Variants in MAPKAP1 observed in about 807,000 individuals in gnomAD.
MAPKAP1 encodes the protein MAPK associated protein 1.
In MAPKAP1, 20 loss-of-function variants were observed where a neutral mutation model predicts 65.7. The ratio of observed to expected loss-of-function variants is 0.30; its 90% CI spans 0.21 to 0.44. The LOEUF is 0.44. Among genes scored for constraint, MAPKAP1 ranks in the 20% least tolerant of loss-of-function variants. MAPKAP1 has a pLI of 1.00. For missense variants in MAPKAP1, 423 were observed against 648.0 expected (o/e 0.65, Z 3.77); for synonymous variants, 222 against 244.3 (o/e 0.91, Z 0.85).
In MAPKAP1 at chr9:125,531,042, C is replaced by T. The variant is rs116051707; in HGVS notation, c.958+12017G>A. ...CAGAAGGGGCTGATGACTTCCCTAACTTCACAGCTTGTAAAAGGGACAGGT... is the reference window on the plus strand; with the variant it reads ...CAGAAGGGGCTGATGACTTCCCTAATTTCACAGCTTGTAAAAGGGACAGGT... On this transcript the variant is annotated intron_variant, in intron 7 of 11. Transcript: ENST00000265960. Among the ~76,000 whole-genome samples, 1,128 of 152,344 alleles carry T rather than the reference C, an allele frequency of 7.4e-3. 19 individuals carry two copies. The highest frequency in any genetic ancestry group is 0.025 in the African/African-American group (1,051 of 41,580).
Position 125,460,993 on chromosome 9 carries a change from T to C in MAPKAP1, c.1345+6979A>G, listed in dbSNP as rs114588813. Among the ~76,000 whole-genome samples, 911 of 152,342 alleles carry C rather than the reference T, an allele frequency of 6.0e-3. 10 individuals are homozygous for C. Among genetic ancestry groups the C allele is most frequent in the African/African-American group, 0.02 (847 of 41,592 alleles). ...AAAGCACAAGTCAGATGTCAGCTCA[T>C]GATGACCAGGTCAGTCAATGGGACA... On this transcript the variant is annotated intron_variant, in intron 10 of 11. Transcript: ENST00000265960.
At chr9:125,627,789 G>A (rs957091802) in intron 4 of MAPKAP1, among the ~76,000 whole-genome samples, 2 of 152,000 alleles carry the variant, frequency 1.3e-5, no homozygotes, top group African/African-American at 4.8e-5. Flanking sequence ...TGGGATATGT[G>A]GGAACGAAGC....
At chr9:125,567,516 T>C (rs1831096033) in intron 5 of MAPKAP1, 2 of 152,240 alleles carry the variant, frequency 1.3e-5, no homozygotes, top group Non-Finnish European at 2.9e-5. Context: ...GCATGAATAA[T>C]CCACTGTTGT....
At chr9:125,638,358 A>G (rs896892260) in intron 4 of MAPKAP1, among the ~76,000 whole-genome samples, 2 of 152,212 alleles carry the variant, frequency 1.3e-5, no homozygotes, top group Admixed American at 6.5e-5. Context: ...AATCTGACAG[A>G]CACTGAGAAG....
intron 1 of MAPKAP1, among the ~76,000 whole-genome samples, chr9:125,690,936 T>C (rs1021298138): frequency 1.3e-5 from 2 of 152,022 alleles, no homozygotes; most frequent in Non-Finnish European, 2.9e-5. Flanking sequence ...TTGCACGAAT[T>C]CAAGAAACAG....
chr9:125,451,464 C>G (rs1449064212), intron 10 of MAPKAP1, among the ~76,000 whole-genome samples: 1 of 152,210 alleles, frequency 6.6e-6, no homozygotes, highest in East Asian at 1.9e-4. Flanking sequence ...TTAGTTACTA[C>G]TCACATGTTG....
At chr9:125,464,091 T>C (rs1411983707) in intron 10 of MAPKAP1, among the ~76,000 whole-genome samples, 1 of 151,070 alleles carries the variant, frequency 6.6e-6, no homozygotes, top group East Asian at 2.0e-4. Flanking sequence ...GAACTGGACA[T>C]GGTGGCGCAT....
chr9:125,580,801 A>G (rs1831600367), intron 5 of MAPKAP1, among the ~76,000 whole-genome samples: 1 of 152,130 alleles, frequency 6.6e-6, no homozygotes, highest in Non-Finnish European at 1.5e-5. Context: ...TGTAATCATC[A>G]CCAAGATACA....
At chr9:125,455,188 A>G (rs995449033) in intron 10 of MAPKAP1, among the ~76,000 whole-genome samples, 1 of 152,232 alleles carries the variant, frequency 6.6e-6, no homozygotes, top group East Asian at 1.9e-4. Context: ...TCTGAGCCCC[A>G]GTTAACTCAT....
intron 9 of MAPKAP1, among the ~76,000 whole-genome samples, chr9:125,473,078 C>CT (rs77182446): frequency 0.03 from 4,041 of 133,290 alleles, 116 homozygotes; most frequent in African/African-American, 0.073. Context: ...TTCAGCAGAA[C>CT]TTTTTTTTTT....
intron 1 of MAPKAP1, among the ~76,000 whole-genome samples, chr9:125,694,860 G>A (rs1333364177): frequency 6.6e-6 from 1 of 152,158 alleles, no homozygotes; most frequent in Admixed American, 6.5e-5. Context: ...CCAAGCTTCA[G>A]TTTCTTAAAT....
chr9:125,586,245 T>A (rs1344679205), intron 4 of MAPKAP1, among the ~76,000 whole-genome samples: 1 of 152,102 alleles, frequency 6.6e-6, no homozygotes, highest in Non-Finnish European at 1.5e-5. Context: ...CCACACAGGT[T>A]CAAGGGCCCT....
chr9:125,587,300 T>C (rs1831816685), intron 4 of MAPKAP1, among the ~76,000 whole-genome samples: 1 of 152,228 alleles, frequency 6.6e-6, no homozygotes, highest in Admixed American at 6.5e-5. Context: ...GCGCAGTGGC[T>C]CATGCCTGTA....
chr9:125,693,838 T>TAC (rs1197235568), intron 1 of MAPKAP1, among the ~76,000 whole-genome samples: 44 of 117,326 alleles, frequency 3.8e-4, no homozygotes, highest in African/African-American at 1.9e-3. Context: ...CACATATATA[T>TAC]ACACACATAC....
rs114714261 is a variant in MAPKAP1, at chr9:125,524,868, A to G, written c.958+18191T>C. Among the ~76,000 whole-genome samples, 695 of 152,256 alleles carry G rather than the reference A, an allele frequency of 4.6e-3. 6 individuals are homozygous for G. The highest frequency in any genetic ancestry group is 0.016 in the African/African-American group (650 of 41,534). On this transcript the variant is annotated intron_variant, in intron 7 of 11. Coordinates refer to ENST00000265960, the MANE Select transcript of MAPKAP1 (RefSeq NM_001006617.3). ...ATGACTAAAGTTTCTCCAGCTTTTAACCCTTCTGCATATCCTGCTCCAGAT... is the reference window on the plus strand; with the variant it reads ...ATGACTAAAGTTTCTCCAGCTTTTAGCCCTTCTGCATATCCTGCTCCAGAT...
chr9:125,617,663 CTA>C (rs1227023607), intron 4 of MAPKAP1, among the ~76,000 whole-genome samples: 3 of 152,044 alleles, frequency 2.0e-5, no homozygotes, highest in Non-Finnish European at 2.9e-5. Context: ...ATGGGTGAAT[CTA>C]TGGGACGTAA....
intron 10 of MAPKAP1, among the ~76,000 whole-genome samples, chr9:125,448,580 G>A (rs527346172): frequency 3.9e-4 from 60 of 152,314 alleles, no homozygotes; most frequent in African/African-American, 1.4e-3. Context: ...TCCCTGGGGC[G>A]TTAGAGGGAA....
At chr9:125,531,790 C>T (rs1011875120) in intron 7 of MAPKAP1, among the ~76,000 whole-genome samples, 10 of 152,146 alleles carry the variant, frequency 6.6e-5, no homozygotes, top group African/African-American at 1.9e-4. Flanking sequence ...ATCTATCAAT[C>T]CATTTTTTAA....
At chr9:125,503,449 T>C (rs1829042963) in intron 8 of MAPKAP1, among the ~76,000 whole-genome samples, 1 of 152,216 alleles carries the variant, frequency 6.6e-6, no homozygotes, top group Non-Finnish European at 1.5e-5. Context: ...TGGCCATTGA[T>C]TCTTTTCTAT....
Sources: gnomAD v4.1 joint callset for allele counts (sites outside exome capture counted in the v4.1 genomes callset) on GRCh38, gnomAD v4.1.1 for gene constraint, MANE v1.5 for transcripts, NCBI Gene and HGNC (gene_info 2026-07-23, HGNC 2026-07-21) for gene names.